MYPN: variants seen among roughly 807,000 people sequenced by gnomAD.
MYPN encodes myopalladin.
Under a neutral mutation model 129.4 loss-of-function variants are expected in MYPN, and 63 were observed. The ratio of observed to expected loss-of-function variants is 0.49; its 90% CI spans 0.40 to 0.60. The LOEUF (loss-of-function observed/expected upper bound fraction) is 0.60, where lower values mean the gene tolerates loss of function less well. MYPN is among the 20% of genes least tolerant of loss of function. The pLI is 0.00. For synonymous variants in MYPN, 629 were observed against 600.9 expected (o/e 1.05, Z -0.68); for missense variants, 1,596 against 1,635.4 (o/e 0.98, Z 0.42).
chr10:68,176,240 G>A (rs549676742), intron 12 of MYPN, among the ~76,000 whole-genome samples: 1 of 152,280 alleles, frequency 6.6e-6, no homozygotes, highest in African/African-American at 2.4e-5. Flanking sequence ...AGGAAAAAGA[G>A]GAAAGCCACC....
intron 19 of MYPN, among the ~76,000 whole-genome samples, chr10:68,207,660 A>C (rs1326675184): frequency 6.6e-6 from 1 of 152,156 alleles, no homozygotes; most frequent in African/African-American, 2.4e-5. Context: ...CTGTCCTAAT[A>C]ATAATAATAA....
At chr10:68,172,275 A>G (rs1184632953) in intron 10 of MYPN, among the ~76,000 whole-genome samples, 2 of 152,136 alleles carry the variant, frequency 1.3e-5, no homozygotes, top group East Asian at 3.8e-4. Context: ...GGATCACTTG[A>G]ACTCAGGAGG....
chr10:68,176,907 T>C (rs560572415), intron 12 of MYPN, among the ~76,000 whole-genome samples: 1 of 152,256 alleles, frequency 6.6e-6, no homozygotes, highest in Non-Finnish European at 1.5e-5. Context: ...TACATGTTGC[T>C]CTGTCTAATG....
intron 1 of MYPN, among the ~76,000 whole-genome samples, chr10:68,118,488 A>T (rs185994007): frequency 1.2e-3 from 182 of 152,328 alleles, no homozygotes; most frequent in African/African-American, 4.0e-3. Context: ...ATGTTGCCTC[A>T]GTATAAAAGC....
At chr10:68,122,688 G>GGT (rs1442467832) in intron 2 of MYPN, among the ~76,000 whole-genome samples, 2 of 151,994 alleles carry the variant, frequency 1.3e-5, no homozygotes, top group African/African-American at 4.8e-5. Context: ...GATCACCTGA[G>GGT]GTCGGGAGCT....
intron 2 of MYPN, among the ~76,000 whole-genome samples, chr10:68,131,527 T>C (rs2042411542): frequency 6.6e-6 from 1 of 152,306 alleles, no homozygotes; most frequent in South Asian, 2.1e-4. Flanking sequence ...TTTCTCCATT[T>C]TCAAAGGTAT....
At chr10:68,143,419 G>T (rs1242777390) in intron 3 of MYPN, among the ~76,000 whole-genome samples, 1 of 151,866 alleles carries the variant, frequency 6.6e-6, no homozygotes, top group Non-Finnish European at 1.5e-5. Context: ...AGTGTAGGGG[G>T]CGGAGGAGTG....
intron 12 of MYPN, among the ~76,000 whole-genome samples, chr10:68,176,313 T>G (rs2043226734): frequency 1.3e-5 from 2 of 152,224 alleles, no homozygotes; most frequent in Admixed American, 6.5e-5. Flanking sequence ...GGCATTTATT[T>G]TTGCTTTTGA....
At chr10:68,132,799 A>C (rs749579017) in intron 2 of MYPN, among the ~76,000 whole-genome samples, 7 of 152,190 alleles carry the variant, frequency 4.6e-5, no homozygotes, top group Non-Finnish European at 1.0e-4. Flanking sequence ...AATAAAATGA[A>C]AACTGAAAAG....
At chr10:68,122,870 C>A (rs2042267350) in intron 2 of MYPN, among the ~76,000 whole-genome samples, 1 of 151,938 alleles carries the variant, frequency 6.6e-6, no homozygotes, top group South Asian at 2.1e-4. Context: ...CCACTGCTCT[C>A]CAGCCCGGGC....
chr10:68,190,734 A>C (rs1430562739), intron 13 of MYPN, among the ~76,000 whole-genome samples: 1 of 152,114 alleles, frequency 6.6e-6, no homozygotes, highest in Non-Finnish European at 1.5e-5. Context: ...TGTGCTTTTA[A>C]GGTCTTACCC....
intron 8 of MYPN, among the ~76,000 whole-genome samples, chr10:68,164,066 G>T (rs1227036997): frequency 1.3e-5 from 2 of 152,186 alleles, no homozygotes; most frequent in African/African-American, 4.8e-5. Context: ...TCAACAAGGA[G>T]GTAGGAGGAT....
At chr10:68,197,240 T>C in intron 15 of MYPN, 112 bp from the exon 16 acceptor site, 1 of 1,188,790 alleles carries the variant, frequency 8.4e-7, no homozygotes, top group Non-Finnish European at 1.2e-6. Flanking sequence ...CCTTTCCCCC[T>C]TCAAAAAAAA....
intron 19 of MYPN, among the ~76,000 whole-genome samples, chr10:68,207,304 G>T (rs1454223340): frequency 1.3e-5 from 2 of 152,122 alleles, no homozygotes; most frequent in East Asian, 3.9e-4. Flanking sequence ...TTCCATAAAT[G>T]AATCGGGTAG....
intron 2 of MYPN, among the ~76,000 whole-genome samples, chr10:68,126,263 G>T (rs867922064): frequency 6.6e-6 from 1 of 152,106 alleles, no homozygotes; most frequent in African/African-American, 2.4e-5. Flanking sequence ...AGGCACAGAC[G>T]CTCTAATTAT....
intron 8 of MYPN, among the ~76,000 whole-genome samples, chr10:68,164,363 T>C (rs1026352399): frequency 6.6e-6 from 1 of 152,298 alleles, no homozygotes; most frequent in Admixed American, 6.5e-5. Flanking sequence ...ATGTATCCAT[T>C]TATTAGGGCA....
chr10:68,206,713 G>A lies in MYPN; in HGVS notation c.3660-57G>A, dbSNP rs2043821107. ...CCCTTCTTCCTGGAACCCTAAATTT[G>A]ACAAAGGCATTTCTGCCCCCCGATA... On this transcript the variant is annotated intron_variant, in intron 18 of 19. Transcript: ENST00000358913. 3.1e-6 allele frequency: 5 copies of A among 1,612,380 alleles called. No homozygotes were observed. In the Middle Eastern group the frequency reaches 6.6e-4, roughly 214 times the overall value.
intron 6 of MYPN, among the ~76,000 whole-genome samples, chr10:68,151,022 C>T (rs141396626): frequency 3.9e-5 from 6 of 152,222 alleles, no homozygotes; most frequent in East Asian, 1.9e-4. Context: ...TGGGGGGTTG[C>T]GTTCCTGGCA....
At chr10:68,191,039 G>A (rs983069469) in intron 13 of MYPN, among the ~76,000 whole-genome samples, 5 of 151,960 alleles carry the variant, frequency 3.3e-5, no homozygotes, top group African/African-American at 1.2e-4. Context: ...CTGTTCCATT[G>A]GTCTATGTGT....
Sources: allele counts gnomAD v4.1 joint callset (sites outside exome capture counted in the v4.1 genomes callset), GRCh38; gene constraint gnomAD v4.1.1; transcripts MANE v1.5; gene names NCBI Gene and HGNC (gene_info 2026-07-23, HGNC 2026-07-21).